Variants in METTL24 observed in about 807,000 individuals in gnomAD.
METTL24 encodes probable methyltransferase-like protein 24.
Under a neutral mutation model 32.7 loss-of-function variants are expected in METTL24, and 29 were observed. The observed-to-expected ratio is 0.89, with a 90% CI of 0.66 to 1.21. The LOEUF is 1.21. METTL24 is among the 50% of genes most tolerant of loss of function. METTL24 has a pLI of 0.00. For missense variants in METTL24, 439 were observed against 468.1 expected, an observed-to-expected ratio of 0.94 and a Z score of 0.57; for synonymous variants, 163 against 179.5, an observed-to-expected ratio of 0.91 and a Z score of 0.73.
chr6:110,280,712 C>T (rs968502417), intron 4 of METTL24, among the ~76,000 whole-genome samples: 7 of 151,000 alleles, frequency 4.6e-5, no homozygotes, highest in African/African-American at 1.7e-4. Context: ...AGAATGCATG[C>T]AGTGATGCTA....
intron 4 of METTL24, among the ~76,000 whole-genome samples, chr6:110,276,965 A>T (rs1403645974): frequency 6.6e-6 from 1 of 152,226 alleles, no homozygotes; most frequent in African/African-American, 2.4e-5. Flanking sequence ...AGAAGCTGCC[A>T]CACCCAAATA....
intron 1 of METTL24, among the ~76,000 whole-genome samples, chr6:110,343,664 G>C (rs1396829940): frequency 6.6e-6 from 1 of 152,210 alleles, no homozygotes; most frequent in Non-Finnish European, 1.5e-5. Flanking sequence ...TTGATGTGTA[G>C]ATAAGAGAAT....
intron 2 of METTL24, among the ~76,000 whole-genome samples, chr6:110,316,386 G>GA: frequency 6.6e-6 from 1 of 152,124 alleles, no homozygotes; most frequent in Admixed American, 6.5e-5. Flanking sequence ...AGAAAATAAG[G>GA]AAAATAAGTT....
chr6:110,320,625 C>A (rs1275188213), intron 2 of METTL24, among the ~76,000 whole-genome samples: 1 of 152,204 alleles, frequency 6.6e-6, no homozygotes, highest in Non-Finnish European at 1.5e-5. Flanking sequence ...ACAACAAATT[C>A]TCTATTATCG....
At chr6:110,279,502 G>A (rs955572856) in intron 4 of METTL24, among the ~76,000 whole-genome samples, 6 of 152,266 alleles carry the variant, frequency 3.9e-5, no homozygotes, top group East Asian at 1.9e-4. Context: ...AGACTGTACC[G>A]TTTATGGTAG....
chr6:110,253,585 A>G (rs1427176748), intron 4 of METTL24, among the ~76,000 whole-genome samples: 2 of 152,344 alleles, frequency 1.3e-5, no homozygotes, highest in Admixed American at 1.3e-4. Flanking sequence ...AAAGCAATAC[A>G]TGGTCATTAT....
At chr6:110,338,249 C>T (rs1251734911) in intron 1 of METTL24, among the ~76,000 whole-genome samples, 1 of 152,302 alleles carries the variant, frequency 6.6e-6, no homozygotes, top group East Asian at 1.9e-4. Flanking sequence ...GTAATCCCAG[C>T]ACTTTGGGAG....
chr6:110,322,808 G>A lies in METTL24; in HGVS notation c.383C>T (p.Ala128Val), dbSNP rs775901113. 1 of 1,613,884 alleles carries A rather than the reference G, an allele frequency of 6.2e-7. No homozygotes were observed. The highest frequency in any genetic ancestry group is 1.1e-5 in the South Asian group (1 of 91,006). Reference sequence around the variant, plus strand: ...GCTGATATATCTCAGGAACCTCCAGGCTTCTTCATCCAGGGACTGAGCAGA... The same window carrying A: ...GCTGATATATCTCAGGAACCTCCAGACTTCTTCATCCAGGGACTGAGCAGA... Reference protein sequence around the residue: ...AGSAQSLDEEAWRFLRYISTT... With the variant: ...AGSAQSLDEEVWRFLRYISTT... The change falls in exon 2 of 5, where the codon GCC (alanine) becomes GTC (valine). Residue 128 changes from alanine to valine, a missense_variant. Coordinates refer to ENST00000338882, the MANE Select transcript of METTL24 (RefSeq NM_001123364.3).
intron 1 of METTL24, among the ~76,000 whole-genome samples, chr6:110,352,938 T>C (rs1772636826): frequency 6.6e-6 from 1 of 152,218 alleles, no homozygotes. Context: ...GACATTCTTT[T>C]CCTTGGAGAA....
At chr6:110,345,416 C>G (rs1477640673) in intron 1 of METTL24, among the ~76,000 whole-genome samples, 1 of 152,212 alleles carries the variant, frequency 6.6e-6, no homozygotes, top group Non-Finnish European at 1.5e-5. Context: ...CGCAGCAAAA[C>G]CATTATTGGG....
At chr6:110,317,784 G>A (rs1038853761) in intron 2 of METTL24, among the ~76,000 whole-genome samples, 7 of 151,918 alleles carry the variant, frequency 4.6e-5, no homozygotes, top group African/African-American at 1.7e-4. Context: ...TCAACATACG[G>A]TCCGCCTACA....
At chr6:110,302,568 C>CACACATATGTGTATATATACACAT (rs1562230951) in intron 3 of METTL24, among the ~76,000 whole-genome samples, 3 of 95,934 alleles carry the variant, frequency 3.1e-5, no homozygotes, top group African/African-American at 1.9e-4. Context: ...TATATACACA[C>CACACATATGTGTATATATACACAT]ATACACACAC....
intron 3 of METTL24, among the ~76,000 whole-genome samples, chr6:110,301,344 T>A (rs1251772521): frequency 6.6e-6 from 1 of 152,224 alleles, no homozygotes; most frequent in African/African-American, 2.4e-5. Context: ...TTGTCGACTC[T>A]GCTCCTTCAA....
intron 3 of METTL24, among the ~76,000 whole-genome samples, chr6:110,302,550 TATGTGTATATATACACACATACAC>T (rs1771544120): frequency 9.2e-6 from 1 of 108,454 alleles, no homozygotes; most frequent in African/African-American, 5.6e-5. Context: ...TACACACACA[TATGTGTATATATACACACATACAC>T]ACACATATGT....
intron 1 of METTL24, among the ~76,000 whole-genome samples, chr6:110,338,631 C>A (rs565778707): frequency 1.3e-5 from 2 of 152,278 alleles, no homozygotes; most frequent in African/African-American, 4.8e-5. Context: ...TACAAGGAAG[C>A]ATTTTTGAGA....
Position 110,357,993 on chromosome 6 carries a change from G to A in METTL24, c.280C>T (p.Pro94Ser). 8.5e-7 allele frequency: 1 copy of A among 1,173,916 alleles called. No individual in the cohort carries two copies. The highest frequency in any genetic ancestry group is 4.6e-5 in the Admixed American group (1 of 21,590). 72.7% of individuals were successfully genotyped at this position (1,173,916 alleles called of 1,614,324 possible). A position where few individuals can be genotyped will look rare whatever the true frequency, so the allele number is the denominator to read the frequency against. Residue 94 changes from proline (P) to serine (S), a missense_variant, in exon 1 of 5, where the codon CCT becomes TCT. Coordinates refer to ENST00000338882, the MANE Select transcript of METTL24 (RefSeq NM_001123364.3). ...PGGGGSGTPEPGCCAPRGRPR... is the reference protein window; with the variant it reads ...PGGGGSGTPESGCCAPRGRPR... ...CGCCCGCGCGGGGCACAGCAGCCAG[G>A]CTCCGGCGTCCCGCTCCCGCCGCCC... is the stretch of plus-strand genomic sequence containing the variant.
At chr6:110,303,554 T>C (rs1252874436) in intron 3 of METTL24, among the ~76,000 whole-genome samples, 2 of 152,162 alleles carry the variant, frequency 1.3e-5, no homozygotes, top group Non-Finnish European at 2.9e-5. Context: ...TCTGGGAAGT[T>C]TGGACTGGGC....
At chr6:110,269,005 T>C (rs1419972281) in intron 4 of METTL24, among the ~76,000 whole-genome samples, 1 of 152,186 alleles carries the variant, frequency 6.6e-6, no homozygotes, top group South Asian at 2.1e-4. Context: ...ACATGTTAAA[T>C]TGTCAAAAAG....
chr6:110,353,551 T>C (rs577920343), intron 1 of METTL24, among the ~76,000 whole-genome samples: 3 of 150,250 alleles, frequency 2.0e-5, no homozygotes, highest in African/African-American at 7.3e-5. Context: ...ACAGTTCTTT[T>C]TTTTTTTTTT....
Sources: gnomAD v4.1 joint callset for allele counts (sites outside exome capture counted in the v4.1 genomes callset) on GRCh38, gnomAD v4.1.1 for gene constraint, MANE v1.5 for transcripts, NCBI Gene and HGNC (gene_info 2026-07-23, HGNC 2026-07-21) for gene names.